The following TAS1R2 variants were observed in gnomAD, a reference collection of about 807,000 sequenced individuals.
TAS1R2 encodes the protein taste 1 receptor member 2, also known as taste receptor type 1 member 2.
In TAS1R2, 47 loss-of-function variants were observed where a neutral mutation model predicts 49.3. The observed-to-expected ratio is 0.95, with a 90% CI of 0.75 to 1.22. The LOEUF is 1.22. Among genes scored for constraint, TAS1R2 ranks in the 50% most tolerant of loss-of-function variants. TAS1R2 has a pLI of 0.00. For synonymous variants in TAS1R2, 479 were observed against 467.9 expected (o/e 1.02, Z -0.31); for missense variants, 1,155 against 1,122.1 (o/e 1.03, Z -0.42).
At chr1:18,859,507 T>A (rs1934201867) in exon 1 of TAS1R2, 5 of 1,614,018 alleles carry the variant, frequency 3.1e-6, no homozygotes, top group East Asian at 4.5e-5. Flanking sequence ...TGCAGGAAGT[T>A]AAGGTGAACA....
At chr1:18,852,102 T>C (rs1273421851) in intron 3 of TAS1R2, among the ~76,000 whole-genome samples, 2 of 152,158 alleles carry the variant, frequency 1.3e-5, no homozygotes, top group Non-Finnish European at 2.9e-5. Flanking sequence ...TTGGAAAGGA[T>C]TGGCAGGGTC....
intron 4 of TAS1R2, among the ~76,000 whole-genome samples, chr1:18,845,307 G>A (rs573204695): frequency 2.6e-5 from 4 of 152,164 alleles, no homozygotes; most frequent in Non-Finnish European, 5.9e-5. Flanking sequence ...CTCAGCTAAG[G>A]TACCATCTTC....
chr1:18,840,289 C>G (rs760020093), exon 6 of TAS1R2: 1 of 1,613,980 alleles, frequency 6.2e-7, no homozygotes, highest in Non-Finnish European at 8.5e-7. Context: ...CCACCAGCAG[C>G]AGTGTCAGCA....
At chr1:18,849,288 A>G (rs1274791672) in intron 4 of TAS1R2, 53 bp downstream of exon 4, 2 of 1,597,748 alleles carry the variant, frequency 1.3e-6, no homozygotes, top group African/African-American at 1.3e-5. Flanking sequence ...CACTCCAGCA[A>G]GGGCCCCAGG....
exon 6 of TAS1R2, chr1:18,839,847 C>T (rs1422569822): frequency 1.2e-6 from 2 of 1,614,180 alleles, no homozygotes; most frequent in South Asian, 1.1e-5. Context: ...AACTTGGCCT[C>T]GTTGTAGTTG....
intron 3 of TAS1R2, among the ~76,000 whole-genome samples, chr1:18,853,241 G>C (rs1009390975): frequency 4.1e-4 from 63 of 152,122 alleles, no homozygotes; most frequent in African/African-American, 1.5e-3. Flanking sequence ...TGTATACTAG[G>C]CATTCAGTGC....
chr1:18,841,979 C>CT, intron 4 of TAS1R2, 127 bp from the exon 5 acceptor site: 2 of 570,894 alleles, frequency 3.5e-6, no homozygotes, highest in Non-Finnish European at 2.5e-6. Flanking sequence ...GGGGTGGAAA[C>CT]TGTAGAAAAA....
intron 2 of TAS1R2, 21 bp from the exon 3 acceptor site, chr1:18,855,007 G>T (rs1168618644): frequency 1.3e-6 from 2 of 1,591,924 alleles, no homozygotes; most frequent in South Asian, 2.2e-5. Flanking sequence ...AAGGGCTGTG[G>T]CATGAGCGAG....
chr1:18,848,519 C>T (rs184466653), intron 4 of TAS1R2, among the ~76,000 whole-genome samples: 1 of 151,382 alleles, frequency 6.6e-6, no homozygotes, highest in African/African-American at 2.4e-5. Flanking sequence ...GGTCCCTAAT[C>T]CCCGGGACAC....
intron 4 of TAS1R2, among the ~76,000 whole-genome samples, chr1:18,847,893 G>A (rs140732296): frequency 3.6e-4 from 55 of 152,362 alleles, no homozygotes; most frequent in African/African-American, 1.2e-3. Flanking sequence ...AGAAGGCAAG[G>A]AGAAGCAAGT....
chr1:18,840,083 T>G, exon 6 of TAS1R2: 1 of 1,614,168 alleles, frequency 6.2e-7, no homozygotes, highest in African/African-American at 1.3e-5. Context: ...CATAGAGACG[T>G]AGGGCCCCTG....
rs759341950 is a variant in TAS1R2 at position 18,840,490 on chromosome 1, C to T, written c.1629G>A (p.Trp543Ter). 2 of 1,614,074 alleles carry T rather than the reference C, an allele frequency of 1.2e-6. No individual in the cohort carries two copies. Among genetic ancestry groups the T allele is most frequent in the East Asian group, 4.5e-5 (2 of 44,894 alleles). ...AGCAGGAGGTCTCACTCTGGTAGGA[C>T]CACTCGTTATTCGGGCAGGCCTGGC... Residue 543 changes from tryptophan (W) to a stop codon, truncating the protein, a stop_gained, in exon 6 of 6, where the codon TGG (tryptophan) becomes TGA (stop). Transcript: ENST00000375371. LOFTEE classifies it low-confidence loss of function (END_TRUNC).
chr1:18,851,588 CA>C (rs962426504), intron 3 of TAS1R2, among the ~76,000 whole-genome samples: 3 of 152,256 alleles, frequency 2.0e-5, no homozygotes, highest in Non-Finnish European at 1.5e-5. Context: ...CTCGGCCTGC[CA>C]AACTGCTGGG....
chr1:18,856,836 T>C (rs942243335), intron 2 of TAS1R2, among the ~76,000 whole-genome samples: 10 of 152,362 alleles, frequency 6.6e-5, no homozygotes, highest in Non-Finnish European at 1.0e-4. Flanking sequence ...ATAGTAGTAA[T>C]ACAAATCACC....
intron 1 of TAS1R2, among the ~76,000 whole-genome samples, 172 bp downstream of exon 1, chr1:18,859,307 C>T (rs996732559): frequency 2.0e-5 from 3 of 152,112 alleles, no homozygotes; most frequent in African/African-American, 7.2e-5. Context: ...CCATATTATA[C>T]GGGGCCTCCC....
At chr1:18,843,600 G>A (rs1485104693) in intron 4 of TAS1R2, among the ~76,000 whole-genome samples, 1 of 152,220 alleles carries the variant, frequency 6.6e-6, no homozygotes, top group Non-Finnish European at 1.5e-5. Flanking sequence ...GAAGGCCCTG[G>A]CTTCTGTATA....
At chr1:18,843,580 T>C (rs928682285) in intron 4 of TAS1R2, among the ~76,000 whole-genome samples, 1 of 152,182 alleles carries the variant, frequency 6.6e-6, no homozygotes, top group South Asian at 2.1e-4. Context: ...GTCCAGAAAA[T>C]GACTCTGAAG....
chr1:18,840,866 A>C (rs1569656194), intron 5 of TAS1R2, among the ~76,000 whole-genome samples: 2 of 152,222 alleles, frequency 1.3e-5, no homozygotes, highest in Admixed American at 1.3e-4. Context: ...TGTGAGAGGC[A>C]TTCAACCACT....
chr1:18,851,618 C>T (rs558468469), intron 3 of TAS1R2, among the ~76,000 whole-genome samples: 30 of 152,238 alleles, frequency 2.0e-4, no homozygotes, highest in East Asian at 3.9e-4. Context: ...TGTGAGCCAC[C>T]GCACCCGGCC....
Sources: allele counts gnomAD v4.1 joint callset (sites outside exome capture counted in the v4.1 genomes callset), GRCh38; gene constraint gnomAD v4.1.1; transcripts MANE v1.5; gene names NCBI Gene and HGNC (gene_info 2026-07-23, HGNC 2026-07-21).